CASK: variants seen among roughly 807,000 people sequenced by gnomAD.
CASK encodes peripheral plasma membrane protein CASK.
In CASK, 4 loss-of-function variants were observed where a neutral mutation model predicts 82.9. The ratio of observed to expected loss-of-function variants is 0.05; its 90% CI spans 0.02 to 0.11. CASK has a LOEUF of 0.11. Ranked by LOEUF, CASK falls within the 10% of genes least tolerant of loss-of-function variation. The pLI is 1.00. For missense variants in CASK, 358 were observed against 720.9 expected (o/e 0.50, Z 5.76); for synonymous variants, 259 against 253.5 (o/e 1.02, Z -0.20).
In CASK at chrX:41,515,574, C is replaced by A. The variant is rs1301112464; in HGVS notation, c.*4846G>T. ...GCACGTGAGGATTGGGCGGCCTTCA[C>A]ATCAGTCACGCTGCCTGCTGCACCC... On this transcript the variant is annotated 3_prime_UTR_variant, in exon 27 of 27. Coordinates refer to ENST00000378163, the MANE Select transcript of CASK (RefSeq NM_001367721.1). 1 of 112,029 alleles carries A rather than the reference C, an allele frequency of 8.9e-6. No homozygotes were observed. Among genetic ancestry groups the A allele is most frequent in the African/African-American group, 3.2e-5 (1 of 30,820 alleles). 9.2% of individuals were successfully genotyped at this position (112,029 alleles called of 1,213,427 possible). A position where few individuals can be genotyped will look rare whatever the true frequency, so the allele number is the denominator to read the frequency against.
intron 5 of CASK, among the ~76,000 whole-genome samples, chrX:41,720,173 C>T (rs927551651): frequency 8.8e-6 from 1 of 113,305 alleles, no homozygotes; most frequent in Non-Finnish European, 1.9e-5. Context: ...TTGAGAGAAA[C>T]GCTCCCATTG....
At position 41,659,230 on chromosome X, in the gene CASK, CT is replaced by C. The variant is rs750380862; in HGVS notation, c.831+1208del. On this transcript the variant is annotated intron_variant, in intron 8 of 26. Coordinates refer to ENST00000378163, the MANE Select transcript of CASK (RefSeq NM_001367721.1). ...CAACTTCTGTGACTTGGTGCAAATT[CT>C]TTTTTTTTTTTTGGGAGACGGAGAC... Among the ~76,000 whole-genome samples, 282 of 99,615 alleles carry C rather than the reference CT, an allele frequency of 2.8e-3. 1 individual carries two copies. The highest frequency in any genetic ancestry group is 2.5e-3 in the Admixed American group (23 of 9,222). 86.5% of individuals were successfully genotyped at this position (99,615 alleles called of 115,157 possible).
At chrX:41,522,421 AG>A (rs1052874896) in intron 26 of CASK, 2 of 112,030 alleles carry the variant, frequency 1.8e-5, no homozygotes, top group African/African-American at 6.5e-5. Context: ...TAAGTACTAC[AG>A]TGTAGATAAG....
At chrX:41,623,910 A>G (rs2066325928) in intron 10 of CASK, among the ~76,000 whole-genome samples, 1 of 110,767 alleles carries the variant, frequency 9.0e-6, no homozygotes. Context: ...GGGTCTCCCT[A>G]TGTTGCCCAG....
intron 3 of CASK, among the ~76,000 whole-genome samples, chrX:41,777,637 A>G (rs1258092206): frequency 9.0e-5 from 10 of 111,709 alleles, no homozygotes; most frequent in African/African-American, 3.3e-4. Context: ...GGGGATTATC[A>G]TGAGAAAGGG....
intron 3 of CASK, among the ~76,000 whole-genome samples, chrX:41,761,198 G>A (rs982069999): frequency 8.9e-5 from 10 of 111,887 alleles, no homozygotes; most frequent in African/African-American, 3.2e-4. Flanking sequence ...TTCAAACGAT[G>A]TAGATATGAA....
chrX:41,726,716 T>C (rs1389140626), intron 5 of CASK: 2 of 162,235 alleles, frequency 1.2e-5, no homozygotes, highest in East Asian at 2.7e-4. Flanking sequence ...TACATTTCTC[T>C]AAGTAAAATT....
chrX:41,818,194 T>TGTGTGTGTGTGTGTGTGTGTG (rs1569458642), intron 2 of CASK, among the ~76,000 whole-genome samples: 1 of 102,683 alleles, frequency 9.7e-6, no homozygotes, highest in Non-Finnish European at 2.0e-5. Context: ...TGTGTGTGTG[T>TGTGTGTGTGTGTGTGTGTGTG]TTGCTGAAAT....
chrX:41,808,107 G>A (rs1016153003), intron 2 of CASK, among the ~76,000 whole-genome samples: 4 of 111,603 alleles, frequency 3.6e-5, no homozygotes, highest in South Asian at 3.8e-4. Flanking sequence ...CATCTGCCTC[G>A]GCTTCCCAAA....
intron 24 of CASK, among the ~76,000 whole-genome samples, chrX:41,532,803 C>A (rs916139735): frequency 1.8e-5 from 2 of 110,791 alleles, no homozygotes; most frequent in Non-Finnish European, 3.8e-5. Flanking sequence ...GCTGAAGAAC[C>A]GGCGTTACTA....
chrX:41,745,089 C>T (rs1297425076), intron 4 of CASK, among the ~76,000 whole-genome samples: 1 of 112,154 alleles, frequency 8.9e-6, no homozygotes, highest in Non-Finnish European at 1.9e-5. Flanking sequence ...GCAATCTCGG[C>T]TCACTGCAAC....
rs924168119 is a variant in CASK, at chrX:41,923,553, G to C, written c.-565C>G. On this transcript the variant is annotated 5_prime_UTR_variant, in exon 1 of 27. Coordinates refer to ENST00000378163, the MANE Select transcript of CASK (RefSeq NM_001367721.1). ...CGCAGCCGCCACCGCCCGCCCGGGAGTGGGAGGGGGCTTCGCGGGACCGGC... is the reference window on the plus strand; with the variant it reads ...CGCAGCCGCCACCGCCCGCCCGGGACTGGGAGGGGGCTTCGCGGGACCGGC... 1 of 111,965 alleles carries C rather than the reference G, an allele frequency of 8.9e-6. No individual in the cohort carries two copies. Among genetic ancestry groups the C allele is most frequent in the Non-Finnish European group, 1.9e-5 (1 of 52,904 alleles). The allele number at this position is 111,965 out of a possible 1,213,427, so 9.2% of individuals were successfully genotyped here. A position where few individuals can be genotyped will look rare whatever the true frequency, so the allele number is the denominator to read the frequency against.
intron 4 of CASK, chrX:41,743,455 CT>C (rs1428994947): frequency 7.3e-6 from 2 of 273,575 alleles, no homozygotes; most frequent in Admixed American, 6.4e-5. Context: ...GAATATTTAG[CT>C]TTAGTTCTAC....
chrX:41,665,251 A>G, intron 7 of CASK, 26 bp downstream of exon 7: 1 of 1,147,978 alleles, frequency 8.7e-7, no homozygotes, highest in Non-Finnish European at 1.2e-6. Context: ...TCTCAATGGA[A>G]AAAGAAAATG....
chrX:41,663,995 T>TA (rs936645415), intron 7 of CASK, among the ~76,000 whole-genome samples: 3 of 111,932 alleles, frequency 2.7e-5, no homozygotes, highest in African/African-American at 9.7e-5. Context: ...GATGACTACT[T>TA]ACAAGCAGTT....
chrX:41,898,910 G>T (rs2072318859), intron 1 of CASK, among the ~76,000 whole-genome samples: 1 of 111,785 alleles, frequency 8.9e-6, no homozygotes, highest in Admixed American at 9.5e-5. Flanking sequence ...GCTACTGTTG[G>T]ATAAGATATT....
intron 12 of CASK, among the ~76,000 whole-genome samples, chrX:41,591,945 A>G (rs970479128): frequency 1.8e-5 from 2 of 111,423 alleles, no homozygotes; most frequent in African/African-American, 6.5e-5. Context: ...ATACATAAAA[A>G]TATTTTTATA....
At chrX:41,841,583 T>C (rs1455946137) in intron 2 of CASK, among the ~76,000 whole-genome samples, 1 of 106,757 alleles carries the variant, frequency 9.4e-6, no homozygotes. Context: ...TGGCATGATC[T>C]TGGCTCACTG....
intron 5 of CASK, among the ~76,000 whole-genome samples, chrX:41,721,823 G>C (rs1276387776): frequency 8.9e-6 from 1 of 112,105 alleles, no homozygotes; most frequent in East Asian, 2.8e-4. Flanking sequence ...ACTAGGTTAT[G>C]TTCTCCTCTC....
Sources: allele counts gnomAD v4.1 joint callset (sites outside exome capture counted in the v4.1 genomes callset), GRCh38; gene constraint gnomAD v4.1.1; transcripts MANE v1.5; gene names NCBI Gene and HGNC (gene_info 2026-07-23, HGNC 2026-07-21).